ITM2B: variants seen among roughly 807,000 people sequenced by gnomAD.
ITM2B encodes the protein integral membrane protein 2B, also known as ABri/ADan amyloid peptide.
ITM2B carries 11 observed loss-of-function variants against 27.8 expected under a neutral mutation model. The observed-to-expected ratio is 0.40, with a 90% confidence interval of 0.25 to 0.66. The LOEUF (loss-of-function observed/expected upper bound fraction) is 0.66, where lower values mean the gene tolerates loss of function less well. ITM2B is among the 30% of genes least tolerant of loss of function. The pLI is 0.43. For synonymous variants in ITM2B, 114 were observed against 114.3 expected (o/e 1.00, Z 0.02); for missense variants, 296 against 328.9 (o/e 0.90, Z 0.77).
intron 1 of ITM2B, among the ~76,000 whole-genome samples, chr13:48,237,695 T>TA (rs2137978100): frequency 6.6e-6 from 1 of 152,340 alleles, no homozygotes; most frequent in East Asian, 1.9e-4. Context: ...GACTTGTGGG[T>TA]AAATGTACAT....
At chr13:48,238,243 AT>A (rs1316419789) in intron 1 of ITM2B, among the ~76,000 whole-genome samples, 3 of 151,928 alleles carry the variant, frequency 2.0e-5, no homozygotes, top group African/African-American at 4.8e-5. Flanking sequence ...TACAACACAT[AT>A]TTTTAATAGC....
At chr13:48,252,532 C>A (rs1055516502) in intron 1 of ITM2B, among the ~76,000 whole-genome samples, 1 of 152,164 alleles carries the variant, frequency 6.6e-6, no homozygotes. Flanking sequence ...TGAGGTGGAA[C>A]GGTTTCACCC....
At chr13:48,260,634 C>G (rs1951816837) in intron 5 of ITM2B, among the ~76,000 whole-genome samples, 1 of 151,618 alleles carries the variant, frequency 6.6e-6, no homozygotes. Flanking sequence ...ATTTGGTTTT[C>G]TGTTTCTGTG....
At chr13:48,245,084 G>T (rs1886282216) in intron 1 of ITM2B, among the ~76,000 whole-genome samples, 1 of 152,196 alleles carries the variant, frequency 6.6e-6, no homozygotes, top group South Asian at 2.1e-4. Flanking sequence ...CCAGCACTTT[G>T]GGAGGCTGAG....
intron 1 of ITM2B, among the ~76,000 whole-genome samples, chr13:48,247,751 T>A (rs1951732128): frequency 6.6e-6 from 1 of 152,216 alleles, no homozygotes; most frequent in African/African-American, 2.4e-5. Context: ...TATTATCCAA[T>A]GCTGAGATTT....
At chr13:48,255,713 T>C (rs1366188705) in intron 2 of ITM2B, among the ~76,000 whole-genome samples, 1 of 152,252 alleles carries the variant, frequency 6.6e-6, no homozygotes, top group Non-Finnish European at 1.5e-5. Context: ...ACTACGTATA[T>C]GCATATAGAA....
Position 48,258,275 on chromosome 13 carries a change from C to T in ITM2B, c.564+39C>T, listed in dbSNP as rs146916218. The T allele has an allele frequency of 1.0e-5, 10 of 994,392 alleles. No individual in the cohort carries two copies. In the African/African-American group the frequency reaches 1.1e-4, roughly 11 times the overall value. 61.6% of individuals were successfully genotyped at this position (994,392 alleles called of 1,614,324 possible). On this transcript the variant is annotated intron_variant, in intron 4 of 5. Transcript: ENST00000647800. ...GACTGTTTTTGATGAATGATGCCTT[C>T]ATAGTGTTCTGGAATTCCCTGTTGA...
intron 1 of ITM2B, among the ~76,000 whole-genome samples, chr13:48,245,635 T>A (rs114934396): frequency 1.3e-5 from 2 of 152,050 alleles, no homozygotes; most frequent in East Asian, 3.9e-4. Flanking sequence ...GTTTCATAGA[T>A]TTCTGACAGT....
At position 48,269,163 on chromosome 13, in the gene ITM2B, G is replaced by C. The variant is rs1951870054; in HGVS notation, c.*7939G>C. On this transcript the variant is annotated 3_prime_UTR_variant, in exon 6 of 6. Coordinates refer to ENST00000647800, the MANE Select transcript of ITM2B (RefSeq NM_021999.5). ...TTTCCAGTTGCACAGGCTAAAAATA[G>C]GAAGTCATTCTAGATTCCTCTCTTT... 1 of 151,956 alleles carries C rather than the reference G, an allele frequency of 6.6e-6. No homozygotes were observed. The highest frequency in any genetic ancestry group is 2.1e-4 in the South Asian group (1 of 4,832). The allele number at this position is 151,956 out of a possible 1,614,324, so 9.4% of individuals were successfully genotyped here.
At chr13:48,240,388 A>G (rs749108249) in intron 1 of ITM2B, among the ~76,000 whole-genome samples, 9 of 152,114 alleles carry the variant, frequency 5.9e-5, no homozygotes, top group South Asian at 2.1e-4. Context: ...TGTATTTTTA[A>G]TAGAGACGGG....
intron 1 of ITM2B, among the ~76,000 whole-genome samples, chr13:48,234,650 A>G (rs1951656884): frequency 6.6e-6 from 1 of 152,204 alleles, no homozygotes; most frequent in African/African-American, 2.4e-5. Context: ...ATAATTTATT[A>G]TATTCTGAAT....
rs1359132926 is a variant in ITM2B at position 48,261,320 on chromosome 13, A to G, written c.*96A>G. ...TGATTATTTTTTAAAGTCTTCTTTC[A>G]TGTAAGTAGCAAACAGGGCTTTACT... On this transcript the variant is annotated 3_prime_UTR_variant, in exon 6 of 6. Coordinates refer to ENST00000647800, the MANE Select transcript of ITM2B (RefSeq NM_021999.5). 3.5e-6 allele frequency: 3 copies of G among 861,330 alleles called. No homozygotes were observed. Among genetic ancestry groups the G allele is most frequent in the Admixed American group, 1.8e-5 (1 of 54,746 alleles). 53.4% of individuals were successfully genotyped at this position (861,330 alleles called of 1,614,324 possible).
At position 48,269,077 on chromosome 13, in the gene ITM2B, A is replaced by C. The variant is rs1951869402; in HGVS notation, c.*7853A>C. Reference sequence around the variant, plus strand: ...TTGTCCAATAGGCATTATCAGATACAACATGTTCAAAGGCAAACTTGATTT... The same window carrying C: ...TTGTCCAATAGGCATTATCAGATACCACATGTTCAAAGGCAAACTTGATTT... On this transcript the variant is annotated 3_prime_UTR_variant, in exon 6 of 6. Coordinates refer to ENST00000647800, the MANE Select transcript of ITM2B (RefSeq NM_021999.5). The C allele has an allele frequency of 6.6e-6, 1 of 152,126 alleles. No individual in the cohort carries two copies. The highest frequency in any genetic ancestry group is 2.4e-5 in the African/African-American group (1 of 41,406). The allele number at this position is 152,126 out of a possible 1,614,324, so 9.4% of individuals were successfully genotyped here. A position where few individuals can be genotyped will look rare whatever the true frequency, so the allele number is the denominator to read the frequency against.
chr13:48,240,963 T>C (rs1380064307), intron 1 of ITM2B, among the ~76,000 whole-genome samples: 1 of 152,218 alleles, frequency 6.6e-6, no homozygotes, highest in Non-Finnish European at 1.5e-5. Flanking sequence ...TTTCTCCCCA[T>C]AGATTAATTC....
rs1951867054 is a variant in ITM2B, at chr13:48,268,606, T to C, written c.*7382T>C. 6.6e-6 allele frequency: 1 copy of C among 152,132 alleles called. No individual in the cohort carries two copies. The highest frequency in any genetic ancestry group is 2.1e-4 in the South Asian group (1 of 4,832). The allele number at this position is 152,132 out of a possible 1,614,324, so 9.4% of individuals were successfully genotyped here. On this transcript the variant is annotated 3_prime_UTR_variant, in exon 6 of 6. Transcript: ENST00000647800. ...ATTACAAGTGTGAGGCACTGTGCCCTGCCAGTATTCCATTTTTTGTGTATA... is the reference window on the plus strand; with the variant it reads ...ATTACAAGTGTGAGGCACTGTGCCCCGCCAGTATTCCATTTTTTGTGTATA...
chr13:48,266,637 A>T lies in ITM2B; in HGVS notation c.*5413A>T, dbSNP rs1346038888. 2.0e-5 allele frequency: 3 copies of T among 152,136 alleles called. No homozygotes were observed. The highest frequency in any genetic ancestry group is 6.5e-5 in the Admixed American group (1 of 15,270). The allele number at this position is 152,136 out of a possible 1,614,324, so 9.4% of individuals were successfully genotyped here. Reference sequence around the variant, plus strand: ...GGGTTTTTTTGGGCAGACAATCTTCATTATTCAGATGGAAATTAATGTTTG... The same window carrying T: ...GGGTTTTTTTGGGCAGACAATCTTCTTTATTCAGATGGAAATTAATGTTTG... On this transcript the variant is annotated 3_prime_UTR_variant, in exon 6 of 6. Coordinates refer to ENST00000647800, the MANE Select transcript of ITM2B (RefSeq NM_021999.5).
At position 48,267,561 on chromosome 13, in the gene ITM2B, A is replaced by G. The variant is rs948509166; in HGVS notation, c.*6337A>G. 5 of 152,236 alleles carry G rather than the reference A, an allele frequency of 3.3e-5. No individual in the cohort carries two copies. Among genetic ancestry groups the G allele is most frequent in the Admixed American group, 1.3e-4 (2 of 15,274 alleles). The allele number at this position is 152,236 out of a possible 1,614,324, so 9.4% of individuals were successfully genotyped here. ...AGAAATGTCTTTGTATAACCATGGC[A>G]TGATATTATTCTCTTGACTTTTGTT... is the stretch of plus-strand genomic sequence containing the variant. On this transcript the variant is annotated 3_prime_UTR_variant, in exon 6 of 6. Coordinates refer to ENST00000647800, the MANE Select transcript of ITM2B (RefSeq NM_021999.5).
intron 3 of ITM2B, among the ~76,000 whole-genome samples, chr13:48,256,750 A>C (rs150776298): frequency 1.3e-5 from 2 of 152,196 alleles, no homozygotes; most frequent in African/African-American, 4.8e-5. Context: ...TTCTCATTCT[A>C]TATTTTTCCC....
chr13:48,260,518 C>A (rs903460386), intron 5 of ITM2B, among the ~76,000 whole-genome samples: 1 of 152,090 alleles, frequency 6.6e-6, no homozygotes, highest in African/African-American at 2.4e-5. Flanking sequence ...TCCTCCCTCC[C>A]TCCCTCCCTT....
Sources: gnomAD v4.1 joint callset for allele counts (sites outside exome capture counted in the v4.1 genomes callset) on GRCh38, gnomAD v4.1.1 for gene constraint, MANE v1.5 for transcripts, NCBI Gene and HGNC (gene_info 2026-07-23, HGNC 2026-07-21) for gene names.